IPP: variants seen among roughly 807,000 people sequenced by gnomAD.
IPP encodes intracisternal A particle-promoted polypeptide, also known as actin-binding protein IPP.
IPP carries 41 observed loss-of-function variants against 64.1 expected under a neutral mutation model. That is an observed-to-expected ratio of 0.64 (90% CI 0.50 to 0.83). IPP has a LOEUF of 0.83. Ranked by LOEUF, IPP falls within the 40% of genes least tolerant of loss-of-function variation. The probability of loss-of-function intolerance (pLI) is 0.00; values close to 1 mark genes in which losing one functional copy is unlikely to be tolerated. For synonymous variants in IPP, 214 were observed against 235.2 expected, an observed-to-expected ratio of 0.91 and a Z score of 0.83; for missense variants, 649 against 703.0, an observed-to-expected ratio of 0.92 and a Z score of 0.87.
At chr1:45,730,231 A>G (rs1239282205) in intron 3 of IPP, among the ~76,000 whole-genome samples, 1 of 152,202 alleles carries the variant, frequency 6.6e-6, no homozygotes, top group Non-Finnish European at 1.5e-5. Context: ...ACATGCCTAT[A>G]GTTCCAGCTA....
At chr1:45,747,171 T>A (rs1273857800) in intron 1 of IPP, among the ~76,000 whole-genome samples, 1 of 152,064 alleles carries the variant, frequency 6.6e-6, no homozygotes, top group African/African-American at 2.4e-5. Context: ...TAAAGGCAGG[T>A]ACTATCTTTC....
chr1:45,747,095 A>C (rs1043000118), intron 1 of IPP, among the ~76,000 whole-genome samples: 3 of 151,780 alleles, frequency 2.0e-5, no homozygotes, highest in African/African-American at 7.3e-5. Flanking sequence ...CCCTACTCTT[A>C]GTGCGCGCAT....
chr1:45,724,691 A>G (rs2148565427), intron 5 of IPP, among the ~76,000 whole-genome samples: 2 of 148,516 alleles, frequency 1.3e-5, no homozygotes, highest in East Asian at 2.0e-4. Context: ...GGAGGTGAGG[A>G]GCGTCTCTGC....
chr1:45,706,881 C>A (rs998991594), intron 8 of IPP, among the ~76,000 whole-genome samples: 1 of 152,204 alleles, frequency 6.6e-6, no homozygotes, highest in Non-Finnish European at 1.5e-5. Context: ...TTTACAATGT[C>A]TACCATCTAA....
At chr1:45,729,944 A>G (rs1344603342) in intron 3 of IPP, among the ~76,000 whole-genome samples, 175 bp from the exon 4 acceptor site, 1 of 152,216 alleles carries the variant, frequency 6.6e-6, no homozygotes, top group Non-Finnish European at 1.5e-5. Context: ...TAAGGGAAGT[A>G]TTTTCTTCAC....
intron 2 of IPP, among the ~76,000 whole-genome samples, chr1:45,744,951 T>C (rs550406436): frequency 6.6e-6 from 1 of 152,234 alleles, no homozygotes; most frequent in East Asian, 1.9e-4. Context: ...GTCACAGCTA[T>C]GCAGGGTGGT....
At chr1:45,739,210 A>G (rs904908678) in intron 3 of IPP, among the ~76,000 whole-genome samples, 7 of 152,182 alleles carry the variant, frequency 4.6e-5, no homozygotes, top group Non-Finnish European at 1.0e-4. Flanking sequence ...TTGTAATTCA[A>G]TAGCAACCTA....
At chr1:45,741,625 T>TAAAGAAACAGAATCAAAG (rs1285076695) in intron 2 of IPP, among the ~76,000 whole-genome samples, 4,550 of 90,282 alleles carry the variant, frequency 0.05, 345 homozygotes, top group South Asian at 0.079. Context: ...CTTATTTTCT[T>TAAAGAAACAGAATCAAAG]TTTTTTTTTT....
At chr1:45,747,138 G>A (rs1019564719) in intron 1 of IPP, among the ~76,000 whole-genome samples, 105 of 151,984 alleles carry the variant, frequency 6.9e-4, no homozygotes, top group Non-Finnish European at 1.3e-4. Flanking sequence ...GCGCGCTTCA[G>A]AGCTCCTTGA....
intron 6 of IPP, among the ~76,000 whole-genome samples, chr1:45,717,736 A>T (rs1276806022): frequency 6.6e-6 from 1 of 152,022 alleles, no homozygotes; most frequent in African/African-American, 2.4e-5. Context: ...GTTGGTCTCG[A>T]TCTCCTGACT....
chr1:45,721,252 C>A (rs1332629443), intron 5 of IPP, among the ~76,000 whole-genome samples: 1 of 152,162 alleles, frequency 6.6e-6, no homozygotes, highest in African/African-American at 2.4e-5. Context: ...TCCACTGATA[C>A]AAAATTTTCC....
intron 1 of IPP, among the ~76,000 whole-genome samples, chr1:45,748,653 C>A (rs1646173232): frequency 1.3e-5 from 2 of 152,108 alleles, no homozygotes; most frequent in Non-Finnish European, 2.9e-5. Flanking sequence ...GCCTGGACAA[C>A]AGAGCAAGAC....
chr1:45,735,402 T>C (rs1645963663), intron 3 of IPP, among the ~76,000 whole-genome samples: 1 of 151,940 alleles, frequency 6.6e-6, no homozygotes, highest in Non-Finnish European at 1.5e-5. Flanking sequence ...TAAATGTTGT[T>C]TTTGTAGAAA....
At chr1:45,694,894 C>CT (rs1017131308), downstream of IPP, 187 of 156,180 alleles carry the variant, frequency 1.2e-3, no homozygotes, top group African/African-American at 3.6e-3. Flanking sequence ...AGTTCTACAT[C>CT]TTTTTTTTTG....
intron 7 of IPP, among the ~76,000 whole-genome samples, chr1:45,716,402 GC>G (rs1424554423): frequency 6.6e-6 from 1 of 151,990 alleles, no homozygotes; most frequent in Non-Finnish European, 1.5e-5. Context: ...GTAGTAACAT[GC>G]CCAGCTAATT....
At chr1:45,733,831 CAA>C (rs891726713) in intron 3 of IPP, among the ~76,000 whole-genome samples, 2 of 116,930 alleles carry the variant, frequency 1.7e-5, no homozygotes, top group African/African-American at 3.2e-5. Flanking sequence ...GACTCCGTCT[CAA>C]AAAAAAAAAA....
At chr1:45,703,486 C>G (rs1020190389) in intron 8 of IPP, among the ~76,000 whole-genome samples, 1 of 100,780 alleles carries the variant, frequency 9.9e-6, no homozygotes, top group Non-Finnish European at 2.1e-5. Context: ...CCCTGAAACA[C>G]TTCCACAAGA....
At chr1:45,710,982 G>T in intron 8 of IPP, among the ~76,000 whole-genome samples, 1 of 121,166 alleles carries the variant, frequency 8.3e-6, no homozygotes, top group African/African-American at 3.2e-5. Flanking sequence ...TTGTACCACT[G>T]CACTCTAGCC....
rs745537951 is a variant in IPP at position 45,729,778 on chromosome 1, A to G, written c.725-9T>C. The stretch of plus-strand genomic sequence containing the variant: ...ATTAAAATCGGATACTCCTAAAACA[A>G]TATTTAAAAAGACAATGTTTTAAAC... On this transcript the variant is annotated splice_polypyrimidine_tract_variant and intron_variant, in intron 3 of 8. Transcript: ENST00000396478. 5 of 1,485,768 alleles carry G rather than the reference A, an allele frequency of 3.4e-6. No homozygotes were observed. The highest frequency in any genetic ancestry group is 1.4e-5 in the African/African-American group (1 of 70,444). 92.0% of individuals were successfully genotyped at this position (1,485,768 alleles called of 1,614,324 possible).
Sources: gnomAD v4.1 joint callset for allele counts (sites outside exome capture counted in the v4.1 genomes callset) on GRCh38, gnomAD v4.1.1 for gene constraint, MANE v1.5 for transcripts, NCBI Gene and HGNC (gene_info 2026-07-23, HGNC 2026-07-21) for gene names.